Variants in MYLK3 observed in about 807,000 individuals in gnomAD.
The protein encoded by MYLK3 is myosin light chain kinase 3, also known as MLC kinase.
A neutral mutation model predicts 76.3 loss-of-function variants in MYLK3; 55 were observed. The observed-to-expected ratio is 0.72, with a 90% CI of 0.58 to 0.90. MYLK3 has a LOEUF of 0.90. MYLK3 is among the 40% of genes least tolerant of loss of function. The pLI is 0.00. For missense variants in MYLK3, 973 were observed against 1,053.6 expected, an observed-to-expected ratio of 0.92 and a Z score of 1.06; for synonymous variants, 416 against 425.4, an observed-to-expected ratio of 0.98 and a Z score of 0.27.
intron 9 of MYLK3, among the ~76,000 whole-genome samples, chr16:46,716,913 G>A (rs975801943): frequency 6.6e-6 from 1 of 152,158 alleles, no homozygotes; most frequent in Admixed American, 6.5e-5. Context: ...GAGAGAGGGG[G>A]CACCCAGGGA....
At chr16:46,762,030 G>A (rs1967282169) in intron 1 of MYLK3, among the ~76,000 whole-genome samples, 1 of 152,136 alleles carries the variant, frequency 6.6e-6, no homozygotes, top group African/African-American at 2.4e-5. Context: ...AAAACACAGG[G>A]GCGCTAAGTG....
intron 3 of MYLK3, among the ~76,000 whole-genome samples, chr16:46,733,310 A>G (rs1232771482): frequency 6.6e-6 from 1 of 152,206 alleles, no homozygotes; most frequent in African/African-American, 2.4e-5. Context: ...AGCTATGATC[A>G]TACCACTGCA....
intron 8 of MYLK3, chr16:46,726,665 A>G (rs867270480): frequency 3.3e-5 from 2 of 60,648 alleles, no homozygotes; most frequent in African/African-American, 1.1e-4. Context: ...AAGAAAGAAA[A>G]AGAAAGAAAG....
At chr16:46,738,646 G>A (rs536483371) in intron 2 of MYLK3, among the ~76,000 whole-genome samples, 1 of 152,338 alleles carries the variant, frequency 6.6e-6, no homozygotes, top group Admixed American at 6.5e-5. Flanking sequence ...TGGTGTGTCT[G>A]GCATCCTGTT....
rs953509171 is a variant in MYLK3, at chr16:46,707,144, A to T, written c.*560T>A. 2 of 152,376 alleles carry T rather than the reference A, an allele frequency of 1.3e-5. No homozygotes were observed. The highest frequency in any genetic ancestry group is 2.1e-4 in the South Asian group (1 of 4,830). The allele number at this position is 152,376 out of a possible 1,614,324, so 9.4% of individuals were successfully genotyped here. A position where few individuals can be genotyped will look rare whatever the true frequency, so the allele number is the denominator to read the frequency against. ...AAATGATCACTTCTTTGATTTGGCTATGAGAGTTGACATATTTTGACATTT... is the reference window on the plus strand; with the variant it reads ...AAATGATCACTTCTTTGATTTGGCTTTGAGAGTTGACATATTTTGACATTT... On this transcript the variant is annotated 3_prime_UTR_variant, in exon 13 of 13. Coordinates refer to ENST00000394809, the MANE Select transcript of MYLK3 (RefSeq NM_182493.3).
chr16:46,740,248 T>C lies in MYLK3; in HGVS notation c.478-101A>G, dbSNP rs1966907481. 4 of 844,878 alleles carry C rather than the reference T, an allele frequency of 4.7e-6. No individual in the cohort carries two copies. In the South Asian group the frequency reaches 5.9e-5, roughly 12 times the overall value. 52.3% of individuals were successfully genotyped at this position (844,878 alleles called of 1,614,324 possible). ...CTCCCCCTTGTTTAAGATAAGGGCA[T>C]TTAGATTACTTCACACAGTCTCACA... On this transcript the variant is annotated intron_variant, in intron 1 of 12. Coordinates refer to ENST00000394809, the MANE Select transcript of MYLK3 (RefSeq NM_182493.3).
At chr16:46,725,674 A>G (rs992144607) in intron 8 of MYLK3, 2 of 152,150 alleles carry the variant, frequency 1.3e-5, no homozygotes, top group Non-Finnish European at 2.9e-5. Context: ...GTTTGCTAAT[A>G]CTTTATTGAG....
intron 3 of MYLK3, among the ~76,000 whole-genome samples, chr16:46,735,150 A>G (rs1966862217): frequency 6.6e-6 from 1 of 152,080 alleles, no homozygotes; most frequent in Admixed American, 6.6e-5. Flanking sequence ...CAAAAAAAAA[A>G]AAGGAGGGGG....
chr16:46,735,159 G>A (rs1355470174), intron 3 of MYLK3, among the ~76,000 whole-genome samples: 36 of 151,876 alleles, frequency 2.4e-4, no homozygotes, highest in Non-Finnish European at 7.4e-5. Flanking sequence ...AAAAGGAGGG[G>A]GGCGCTAAGA....
intron 9 of MYLK3, among the ~76,000 whole-genome samples, chr16:46,713,267 G>C (rs575536820): frequency 6.8e-6 from 1 of 146,698 alleles, no homozygotes; most frequent in Non-Finnish European, 1.5e-5. Flanking sequence ...ATAAGATCTC[G>C]GCTCACTGCA....
chr16:46,719,247 A>T (rs1014242214), intron 9 of MYLK3, among the ~76,000 whole-genome samples: 4 of 152,022 alleles, frequency 2.6e-5, no homozygotes, highest in African/African-American at 9.7e-5. Flanking sequence ...GAATTGCTTG[A>T]ATCCAGGAGA....
intron 10 of MYLK3, among the ~76,000 whole-genome samples, chr16:46,711,990 T>G (rs970106540): frequency 2.3e-3 from 1 of 436 alleles, no homozygotes; most frequent in Admixed American, 0.033. Flanking sequence ...CAAGCCATAA[T>G]TTTTTTTTTT....
chr16:46,740,048 C>T lies in MYLK3; in HGVS notation c.568+9G>A. The T allele has an allele frequency of 1.2e-6, 2 of 1,605,620 alleles. No homozygotes were observed. Among genetic ancestry groups the T allele is most frequent in the African/African-American group, 1.3e-5 (1 of 74,906 alleles). On this transcript the variant is annotated intron_variant, in intron 2 of 12. Coordinates refer to ENST00000394809, the MANE Select transcript of MYLK3 (RefSeq NM_182493.3). ...CAATGTTAGATAAAGCAAATGGGGT[C>T]CCACTCACCTTCCCCAGGCTCCCTG...
intron 8 of MYLK3, among the ~76,000 whole-genome samples, chr16:46,723,718 C>G (rs1966822135): frequency 7.2e-6 from 1 of 138,678 alleles, no homozygotes; most frequent in Non-Finnish European, 1.5e-5. Context: ...TGCCCTGATT[C>G]CGCTCACCGC....
At chr16:46,758,012 C>G (rs1567294762) in intron 1 of MYLK3, among the ~76,000 whole-genome samples, 1 of 152,118 alleles carries the variant, frequency 6.6e-6, no homozygotes, top group Admixed American at 6.5e-5. Context: ...CTGGCCGGAC[C>G]TGGTCAGTCA....
At chr16:46,715,484 G>A (rs546244896) in intron 9 of MYLK3, among the ~76,000 whole-genome samples, 54 of 152,160 alleles carry the variant, frequency 3.5e-4, no homozygotes, top group Non-Finnish European at 6.5e-4. Flanking sequence ...ATGGCCATAA[G>A]GTCAAATAGG....
intron 3 of MYLK3, among the ~76,000 whole-genome samples, chr16:46,733,980 C>A (rs180923699): frequency 6.6e-6 from 1 of 152,286 alleles, no homozygotes; most frequent in East Asian, 1.9e-4. Flanking sequence ...TAAAATGGCA[C>A]AACTGCTGTG....
At chr16:46,728,578 G>A (rs1013192928) in intron 7 of MYLK3, among the ~76,000 whole-genome samples, 10 of 152,096 alleles carry the variant, frequency 6.6e-5, no homozygotes, top group African/African-American at 2.4e-4. Context: ...AAAATTAGCT[G>A]GGCATTGTGG....
At chr16:46,728,533 C>T (rs957124311) in intron 7 of MYLK3, among the ~76,000 whole-genome samples, 5 of 151,970 alleles carry the variant, frequency 3.3e-5, no homozygotes, top group African/African-American at 9.7e-5. Flanking sequence ...CCAGCCTGGG[C>T]GACATAGCAA....
Sources: gnomAD v4.1 joint callset for allele counts (sites outside exome capture counted in the v4.1 genomes callset) on GRCh38, gnomAD v4.1.1 for gene constraint, MANE v1.5 for transcripts, NCBI Gene and HGNC (gene_info 2026-07-23, HGNC 2026-07-21) for gene names.